TMOD2: variants seen among roughly 807,000 people sequenced by gnomAD.
TMOD2 encodes the protein tropomodulin 2, also known as tropomodulin-2.
In TMOD2, 22 loss-of-function variants were observed where a neutral mutation model predicts 39.9. The observed-to-expected ratio is 0.55, with a 90% confidence interval of 0.39 to 0.79. The LOEUF (loss-of-function observed/expected upper bound fraction) is 0.79. Among genes scored for constraint, TMOD2 ranks in the 30% least tolerant of loss-of-function variants. The pLI is 0.00. For missense variants in TMOD2, 386 were observed against 413.3 expected (o/e 0.93, Z 0.57); for synonymous variants, 123 against 146.1 (o/e 0.84, Z 1.14).
intron 7 of TMOD2, among the ~76,000 whole-genome samples, chr15:51,785,260 A>G (rs1366129962): frequency 2.0e-5 from 3 of 151,978 alleles, no homozygotes; most frequent in Non-Finnish European, 4.4e-5. Context: ...AAAATACAAA[A>G]AATTAGCCGG....
chr15:51,763,585 T>C (rs1461070925), intron 1 of TMOD2, among the ~76,000 whole-genome samples: 1 of 152,352 alleles, frequency 6.6e-6, no homozygotes, highest in Admixed American at 6.5e-5. Context: ...TCTGTAATTA[T>C]GTGGAACTGT....
intron 8 of TMOD2, among the ~76,000 whole-genome samples, chr15:51,800,397 G>A (rs1053877878): frequency 2.6e-5 from 4 of 152,182 alleles, no homozygotes; most frequent in Non-Finnish European, 5.9e-5. Context: ...TTACCCAGGT[G>A]TGGTGGCACA....
chr15:51,789,762 G>A (rs2055997023), intron 7 of TMOD2, among the ~76,000 whole-genome samples: 1 of 152,136 alleles, frequency 6.6e-6, no homozygotes, highest in African/African-American at 2.4e-5. Context: ...AATGACTACT[G>A]GGTAAATAAC....
intron 7 of TMOD2, among the ~76,000 whole-genome samples, chr15:51,789,195 G>A (rs1428209365): frequency 2.0e-5 from 3 of 152,166 alleles, no homozygotes; most frequent in East Asian, 3.8e-4. Flanking sequence ...GTAAAAAAAA[G>A]CAGGGGTTGC....
chr15:51,807,600 G>A (rs868574690), intron 9 of TMOD2, among the ~76,000 whole-genome samples: 2 of 152,136 alleles, frequency 1.3e-5, no homozygotes, highest in Middle Eastern at 3.2e-3. Flanking sequence ...AAACAATATA[G>A]AGACCAAAGG....
intron 8 of TMOD2, among the ~76,000 whole-genome samples, chr15:51,801,288 GTCTCTCTCTCTC>G (rs72529496): frequency 3.6e-5 from 4 of 111,730 alleles, no homozygotes; most frequent in Non-Finnish European, 5.7e-5. Context: ...CACACACCCT[GTCTCTCTCTCTC>G]TCTCTCTCTC....
intron 7 of TMOD2, among the ~76,000 whole-genome samples, chr15:51,786,148 AT>A (rs2055968659): frequency 6.6e-6 from 1 of 152,038 alleles, no homozygotes; most frequent in African/African-American, 2.4e-5. Flanking sequence ...CTTGTCCTTC[AT>A]TCCAATTCTA....
At chr15:51,806,160 A>G (rs922935945) in intron 8 of TMOD2, among the ~76,000 whole-genome samples, 1 of 152,188 alleles carries the variant, frequency 6.6e-6, no homozygotes, top group Non-Finnish European at 1.5e-5. Flanking sequence ...GACACCAGCA[A>G]ACTCAGCTAT....
chr15:51,766,398 C>T lies in TMOD2; in HGVS notation c.-44C>T, dbSNP rs942719096. On this transcript the variant is annotated 5_prime_UTR_variant, in exon 2 of 10. Coordinates refer to ENST00000249700, the MANE Select transcript of TMOD2 (RefSeq NM_014548.4). ...TATTCTGAAGTCTCAGGAAACTGGA[C>T]CATTTAAATGTGCATGGCCCATGAG... The T allele has an allele frequency of 1.3e-6, 2 of 1,567,078 alleles. No homozygotes were observed. The highest frequency in any genetic ancestry group is 2.0e-5 in the Admixed American group (1 of 51,014).
At chr15:51,782,878 A>T in intron 7 of TMOD2, 50 bp downstream of exon 7, 1 of 1,539,590 alleles carries the variant, frequency 6.5e-7, no homozygotes, top group Non-Finnish European at 9.0e-7. Context: ...ATTCACTGGA[A>T]ACTCTATTTA....
chr15:51,788,182 A>C (rs7164961), intron 7 of TMOD2, among the ~76,000 whole-genome samples: 59,900 of 152,006 alleles, frequency 0.39, 11,965 homozygotes, highest in Middle Eastern at 0.45. Flanking sequence ...ACAGTACAAG[A>C]ACTTTGTAAC....
intron 3 of TMOD2, among the ~76,000 whole-genome samples, chr15:51,769,664 G>A (rs1567237181): frequency 6.6e-6 from 1 of 152,186 alleles, no homozygotes; most frequent in Admixed American, 6.5e-5. Flanking sequence ...CCCAGCTATA[G>A]ACAGTGACTT....
chr15:51,753,228 A>G (rs2055719352), intron 1 of TMOD2, among the ~76,000 whole-genome samples: 1 of 152,242 alleles, frequency 6.6e-6, no homozygotes, highest in South Asian at 2.1e-4. Flanking sequence ...CAACTGGTCC[A>G]AAACCTTTGA....
intron 1 of TMOD2, among the ~76,000 whole-genome samples, chr15:51,755,211 G>A (rs562946398): frequency 1.6e-4 from 24 of 152,124 alleles, no homozygotes; most frequent in African/African-American, 5.6e-4. Flanking sequence ...AATGAGATGC[G>A]CTCTTCTGCT....
At chr15:51,763,047 A>AC (rs2055791921) in intron 1 of TMOD2, among the ~76,000 whole-genome samples, 2 of 151,646 alleles carry the variant, frequency 1.3e-5, no homozygotes, top group South Asian at 4.2e-4. Flanking sequence ...CAATTCTCCC[A>AC]CCCCAACCTC....
Position 51,813,777 on chromosome 15 carries a change from T to G in TMOD2, c.*5323T>G, listed in dbSNP as rs2056172091. 1 of 152,158 alleles carries G rather than the reference T, an allele frequency of 6.6e-6. No individual in the cohort carries two copies. The highest frequency in any genetic ancestry group is 1.5e-5 in the Non-Finnish European group (1 of 68,028). The allele number at this position is 152,158 out of a possible 1,614,324, so 9.4% of individuals were successfully genotyped here. A position where few individuals can be genotyped will look rare whatever the true frequency, so the allele number is the denominator to read the frequency against. ...ATACTTCACTAACTACCTCACAGAG[T>G]TGTGGTAAGAATATAATCAGATAAC... is the stretch of plus-strand genomic sequence containing the variant. On this transcript the variant is annotated 3_prime_UTR_variant, in exon 10 of 10. Coordinates refer to ENST00000249700, the MANE Select transcript of TMOD2 (RefSeq NM_014548.4).
At chr15:51,777,687 C>G (rs915903525) in intron 5 of TMOD2, among the ~76,000 whole-genome samples, 5 of 152,042 alleles carry the variant, frequency 3.3e-5, no homozygotes, top group African/African-American at 1.2e-4. Context: ...CCCTGCCCCA[C>G]AACCAAAAAA....
intron 8 of TMOD2, among the ~76,000 whole-genome samples, chr15:51,801,231 TCTCTCTCACACACACA>T (rs1287232955): frequency 8.2e-5 from 8 of 97,416 alleles, no homozygotes; most frequent in South Asian, 6.0e-4. Context: ...TCTCTCTCTC[TCTCTCTCACACACACA>T]CACACACACA....
At chr15:51,795,158 C>T (rs537832131) in intron 7 of TMOD2, among the ~76,000 whole-genome samples, 2 of 152,144 alleles carry the variant, frequency 1.3e-5, no homozygotes, top group African/African-American at 4.8e-5. Flanking sequence ...CGGTGGCTCA[C>T]ACCTGTAATC....
Sources: gnomAD v4.1 joint callset for allele counts (sites outside exome capture counted in the v4.1 genomes callset) on GRCh38, gnomAD v4.1.1 for gene constraint, MANE v1.5 for transcripts, NCBI Gene and HGNC (gene_info 2026-07-23, HGNC 2026-07-21) for gene names.